KLF12: variants seen among roughly 807,000 people sequenced by gnomAD.
KLF12 encodes KLF transcription factor 12.
Under a neutral mutation model 37.8 loss-of-function variants are expected in KLF12, and 9 were observed. That is an observed-to-expected ratio of 0.24 (90% CI 0.14 to 0.42). The LOEUF is 0.42. Ranked by LOEUF, KLF12 falls within the 10% of genes least tolerant of loss-of-function variation. KLF12 has a pLI of 1.00. For missense variants in KLF12, 411 were observed against 516.0 expected (o/e 0.80, Z 1.97); for synonymous variants, 208 against 202.1 (o/e 1.03, Z -0.25).
the KLF12 span, among the ~76,000 whole-genome samples, chr13:74,292,330 C>A: frequency 6.6e-6 from 1 of 152,116 alleles, no homozygotes; most frequent in Admixed American, 6.6e-5. Flanking sequence ...AACTTCAGTT[C>A]TCTTGAAGGA....
chr13:74,166,214 C>T, the KLF12 span, among the ~76,000 whole-genome samples: 3 of 151,618 alleles, frequency 2.0e-5, no homozygotes, highest in Admixed American at 6.6e-5. Flanking sequence ...CACCTCAGCC[C>T]CCGAGTAGCT....
At chr13:73,903,690 T>TA (rs1416953063) in intron 3 of KLF12, among the ~76,000 whole-genome samples, 1 of 152,166 alleles carries the variant, frequency 6.6e-6, no homozygotes, top group African/African-American at 2.4e-5. Context: ...AAGCTAAAGA[T>TA]ACAATACTGC....
At chr13:74,089,079 C>A (rs1477016659) in intron 1 of KLF12, among the ~76,000 whole-genome samples, 1 of 152,002 alleles carries the variant, frequency 6.6e-6, no homozygotes, top group South Asian at 2.1e-4. Flanking sequence ...GTAGTAAAAC[C>A]CTAAATACAA....
At chr13:74,154,105 C>T in the KLF12 span, among the ~76,000 whole-genome samples, 4 of 151,458 alleles carry the variant, frequency 2.6e-5, no homozygotes, top group South Asian at 2.1e-4. Flanking sequence ...CATGGTGGCA[C>T]GCACCTGTAG....
At chr13:73,903,831 A>T (rs979388272) in intron 3 of KLF12, among the ~76,000 whole-genome samples, 1 of 152,120 alleles carries the variant, frequency 6.6e-6, no homozygotes, top group African/African-American at 2.4e-5. Context: ...TTCTCATAGG[A>T]GCGGGAGCCC....
chr13:74,233,479 G>A, the KLF12 span, among the ~76,000 whole-genome samples: 330 of 152,264 alleles, frequency 2.2e-3, 2 homozygotes, highest in African/African-American at 7.3e-3. Context: ...TTTGTTACCA[G>A]TTCTTCCAGA....
chr13:74,152,092 G>A, the KLF12 span, among the ~76,000 whole-genome samples: 1 of 152,072 alleles, frequency 6.6e-6, no homozygotes, highest in African/African-American at 2.4e-5. Flanking sequence ...TGCTCTGGAT[G>A]GTACAGTCCT....
At chr13:74,245,314 TA>T in the KLF12 span, among the ~76,000 whole-genome samples, 7 of 151,214 alleles carry the variant, frequency 4.6e-5, no homozygotes, top group African/African-American at 1.7e-4. Context: ...TCTATCTATC[TA>T]TCTATCTATC....
intron 3 of KLF12, among the ~76,000 whole-genome samples, chr13:73,922,196 T>G (rs945625449): frequency 6.6e-6 from 1 of 152,200 alleles, no homozygotes; most frequent in Non-Finnish European, 1.5e-5. Flanking sequence ...TTCTTTACAC[T>G]GAAAATTACT....
the KLF12 span, among the ~76,000 whole-genome samples, chr13:74,287,215 A>G: frequency 6.6e-6 from 1 of 152,076 alleles, no homozygotes; most frequent in African/African-American, 2.4e-5. Flanking sequence ...CACAGCTTGC[A>G]GCCCGTCTGC....
At position 74,009,707 on chromosome 13, in the gene KLF12, G is replaced by C. The variant is rs566892819; in HGVS notation, c.-31-14654C>G. On this transcript the variant is annotated intron_variant, in intron 1 of 7. Transcript: ENST00000377669. ...TAAGTACAGTCAATAAATGTATATA[G>C]TTAAATATGGCCAGATCTCAGAAGT... 4.6e-5 allele frequency among the ~76,000 whole-genome samples: 7 copies of C among 152,310 alleles called. No homozygotes were observed. The East Asian group carries it at 1.4e-3, about 29-fold the overall frequency.
the KLF12 span, among the ~76,000 whole-genome samples, chr13:74,145,615 G>A: frequency 6.6e-6 from 1 of 152,134 alleles, no homozygotes; most frequent in African/African-American, 2.4e-5. Flanking sequence ...TTACAATCAT[G>A]TGCTAATAAA....
chr13:74,014,792 G>A (rs977082725), intron 1 of KLF12, among the ~76,000 whole-genome samples: 2 of 152,124 alleles, frequency 1.3e-5, no homozygotes, highest in African/African-American at 4.8e-5. Context: ...ATGTTCAGCA[G>A]ATTGAAACTT....
chr13:74,027,960 C>A (rs1347776978), intron 1 of KLF12, among the ~76,000 whole-genome samples: 1 of 152,086 alleles, frequency 6.6e-6, no homozygotes, highest in Admixed American at 6.6e-5. Flanking sequence ...ACAATTATTT[C>A]TGTCCCTTGT....
chr13:73,830,136 T>C (rs960735976), intron 4 of KLF12, among the ~76,000 whole-genome samples: 6 of 152,206 alleles, frequency 3.9e-5, no homozygotes, highest in African/African-American at 1.4e-4. Flanking sequence ...GGTTATACTA[T>C]CTTGATTACT....
intron 3 of KLF12, among the ~76,000 whole-genome samples, chr13:73,873,781 G>C (rs2138893247): frequency 6.6e-6 from 1 of 152,172 alleles, no homozygotes; most frequent in South Asian, 2.1e-4. Context: ...AAAATGTCAA[G>C]CTACAAAATA....
intron 3 of KLF12, among the ~76,000 whole-genome samples, chr13:73,921,657 A>G (rs1889123024): frequency 6.6e-6 from 1 of 152,202 alleles, no homozygotes; most frequent in Non-Finnish European, 1.5e-5. Flanking sequence ...TATATATGAG[A>G]TATATACAAG....
chr13:74,007,390 G>C (rs1390377717), intron 1 of KLF12, among the ~76,000 whole-genome samples: 3 of 151,304 alleles, frequency 2.0e-5, no homozygotes, highest in Non-Finnish European at 4.4e-5. Context: ...TCATTCTCCT[G>C]CCTCAGTCTC....
intron 3 of KLF12, among the ~76,000 whole-genome samples, chr13:73,899,684 G>C (rs970374995): frequency 2.6e-5 from 4 of 152,262 alleles, no homozygotes; most frequent in African/African-American, 9.6e-5. Flanking sequence ...AGAACCAAAA[G>C]AGAGAGGAAA....
Sources: allele counts gnomAD v4.1 joint callset (sites outside exome capture counted in the v4.1 genomes callset), GRCh38; gene constraint gnomAD v4.1.1; transcripts MANE v1.5; gene names NCBI Gene and HGNC (gene_info 2026-07-23, HGNC 2026-07-21).